TOR3A: variants seen among roughly 807,000 people sequenced by gnomAD.
TOR3A encodes torsin family 3 member A.
In TOR3A, 44 loss-of-function variants were observed where a neutral mutation model predicts 42.1. The ratio of observed to expected loss-of-function variants is 1.04; its 90% confidence interval spans 0.82 to 1.34. The LOEUF is 1.34. TOR3A is among the 40% of genes most tolerant of loss of function. The pLI is 0.00. For synonymous variants in TOR3A, 227 were observed against 213.2 expected, an observed-to-expected ratio of 1.06 and a Z score of -0.57; for missense variants, 521 against 507.6, an observed-to-expected ratio of 1.03 and a Z score of -0.25.
chr1:179,093,362 A>G (rs16853647), intron 4 of TOR3A, among the ~76,000 whole-genome samples: 32,851 of 152,118 alleles, frequency 0.22, 3,640 homozygotes, highest in East Asian at 0.26. Context: ...AAACGTGTGT[A>G]AAACCAAACT....
chr1:179,089,321 CA>C (rs11311033), intron 4 of TOR3A, among the ~76,000 whole-genome samples: 56,329 of 130,576 alleles, frequency 0.43, 11,536 homozygotes, highest in African/African-American at 0.55. Context: ...GACTCCATCT[CA>C]AAAAAAAAAA....
At chr1:179,094,585 C>A (rs975323337) in intron 5 of TOR3A, among the ~76,000 whole-genome samples, 3 of 152,118 alleles carry the variant, frequency 2.0e-5, no homozygotes, top group African/African-American at 7.2e-5. Flanking sequence ...CTCACCCAGC[C>A]CCTTCAGTCG....
chr1:179,085,529 G>T (rs765322211), intron 2 of TOR3A, 99 bp from the exon 3 acceptor site: 20 of 1,478,340 alleles, frequency 1.4e-5, no homozygotes, highest in Non-Finnish European at 1.9e-5. Flanking sequence ...GATTCCACCC[G>T]AGAGAGATTC....
chr1:179,093,028 TGC>T (rs1491122966), intron 4 of TOR3A, among the ~76,000 whole-genome samples: 1 of 152,000 alleles, frequency 6.6e-6, no homozygotes, highest in African/African-American at 2.4e-5. Flanking sequence ...CACGGGGAAG[TGC>T]AAGTGCATTG....
At chr1:179,083,590 G>T (rs1299131202) in intron 2 of TOR3A, among the ~76,000 whole-genome samples, 2 of 5,360 alleles carry the variant, frequency 3.7e-4, no homozygotes, top group South Asian at 6.5e-3. Flanking sequence ...GCGGGGGGGG[G>T]GGGGGGGGGC....
intron 2 of TOR3A, 88 bp from the exon 3 acceptor site, chr1:179,085,538 TCA>T (rs1652407718): frequency 6.6e-7 from 1 of 1,519,946 alleles, no homozygotes; most frequent in Non-Finnish European, 9.0e-7. Context: ...CGAGAGAGAT[TCA>T]GAGTTGCTTG....
chr1:179,087,785 G>A (rs749208830), intron 3 of TOR3A, 126 bp from the exon 4 acceptor site: 38 of 820,192 alleles, frequency 4.6e-5, no homozygotes, highest in Non-Finnish European at 6.4e-5. Flanking sequence ...AGGTTCTGGC[G>A]GGGGGCGGGG....
Position 179,095,424 on chromosome 1 carries a change from C to T in TOR3A, c.*206C>T, listed in dbSNP as rs942278626. 5.8e-6 allele frequency: 8 copies of T among 1,374,476 alleles called. No homozygotes were observed. Among genetic ancestry groups the T allele is most frequent in the East Asian group, 5.1e-5 (2 of 39,032 alleles). The allele number at this position is 1,374,476 out of a possible 1,614,324, so 85.1% of individuals were successfully genotyped here. A position where few individuals can be genotyped will look rare whatever the true frequency, so the allele number is the denominator to read the frequency against. On this transcript the variant is annotated 3_prime_UTR_variant, in exon 6 of 6. Coordinates refer to ENST00000367627, the MANE Select transcript of TOR3A (RefSeq NM_022371.4). ...TTTTTCTTTTTTTTGGAGGTCCCAC[C>T]GAGATAGATAGGAACTTGGATTGCT...
chr1:179,083,898 C>G (rs1187052909), intron 2 of TOR3A, among the ~76,000 whole-genome samples: 1 of 152,120 alleles, frequency 6.6e-6, no homozygotes, highest in East Asian at 1.9e-4. Context: ...CTTCAATCTC[C>G]ATAAATGAGG....
rs1394898167 is a variant in TOR3A, at chr1:179,087,923, A to C, written c.652A>C (p.Ser218Arg). 1.3e-6 allele frequency: 2 copies of C among 1,590,940 alleles called. No individual in the cohort carries two copies. The highest frequency in any genetic ancestry group is 2.2e-5 in the East Asian group (1 of 44,530). ...YVDLYKEQLM[S>R]QIRETQQLCH... ...ATATCCCGTGCAGGAGCAGCTGATG[A>C]GCCAGATCCGGGAGACGCAGCAGCT... Residue 218 changes from serine (S) to arginine (R), a missense_variant, in exon 4 of 6, where the codon AGC becomes CGC. Physicochemically the swap from Ser to Arg is moderately radical, Grantham distance 110. Transcript: ENST00000367627.
chr1:179,085,472 G>T, intron 2 of TOR3A, 156 bp from the exon 3 acceptor site: 2 of 795,608 alleles, frequency 2.5e-6, no homozygotes, highest in Non-Finnish European at 4.2e-6. Context: ...CTGCTACAAA[G>T]TCTGCCCTCT....
rs58305637 is a variant in TOR3A at position 179,085,394 on chromosome 1, A to C, written c.374-234A>C. ...AGCTGAGATTGCGCCACTGCACTCCAGCCTGGTGACAGAGCAAGACTCCAT... is the reference window on the plus strand; with the variant it reads ...AGCTGAGATTGCGCCACTGCACTCCCGCCTGGTGACAGAGCAAGACTCCAT... On this transcript the variant is annotated intron_variant, in intron 2 of 5. Transcript: ENST00000367627. 3,230 of 508,912 alleles carry C rather than the reference A, an allele frequency of 6.3e-3. 88 individuals carry two copies. Among genetic ancestry groups the C allele is most frequent in the African/African-American group, 0.056 (2,898 of 51,446 alleles). 31.5% of individuals were successfully genotyped at this position (508,912 alleles called of 1,614,324 possible).
intron 2 of TOR3A, 75 bp downstream of exon 2, chr1:179,083,128 C>T: frequency 3.4e-6 from 3 of 869,644 alleles, no homozygotes; most frequent in Non-Finnish European, 5.0e-6. Flanking sequence ...TGGTTAGATG[C>T]AAGGGACCTT....
chr1:179,088,031 C>A lies in TOR3A; in HGVS notation c.760C>A (p.Arg254Ser). Residue 254 changes from arginine to serine, a missense_variant, in exon 4 of 6, where the codon CGC becomes AGC. Arg to Ser is a moderately radical substitution (Grantham distance 110). Coordinates refer to ENST00000367627, the MANE Select transcript of TOR3A (RefSeq NM_022371.4). ...LLEVLGPHLE[R>S]RAPEGHRAES... ...GGAGGTCCTTGGGCCACACTTAGAACGCCGGGCCCCTGAGGGCCACAGGGC... is the reference window on the plus strand; with the variant it reads ...GGAGGTCCTTGGGCCACACTTAGAAAGCCGGGCCCCTGAGGGCCACAGGGC... 1 of 1,613,364 alleles carries A rather than the reference C, an allele frequency of 6.2e-7. No individual in the cohort carries two copies. The highest frequency in any genetic ancestry group is 8.5e-7 in the Non-Finnish European group (1 of 1,179,694).
In TOR3A at chr1:179,089,920, C is replaced by G. The variant is rs192242971; in HGVS notation, c.818+1831C>G. On this transcript the variant is annotated intron_variant, in intron 4 of 5. Transcript: ENST00000367627. ...CACACAGACTCTCCCACCCACTTCT[C>G]AGCTTGGAAAACCTCACCTGGGCCG... is the stretch of plus-strand genomic sequence containing the variant. Among the ~76,000 whole-genome samples the G allele has an allele frequency of 3.6e-3, 542 of 152,294 alleles. 1 individual carries two copies. Among genetic ancestry groups the G allele is most frequent in the African/African-American group, 0.012 (490 of 41,570 alleles).
intron 3 of TOR3A, among the ~76,000 whole-genome samples, chr1:179,086,319 G>T (rs1435485792): frequency 1.3e-5 from 2 of 152,188 alleles, no homozygotes; most frequent in African/African-American, 4.8e-5. Context: ...CAGGCTCTTT[G>T]TCATTGTAAC....
At chr1:179,086,680 A>G (rs940937279) in intron 3 of TOR3A, among the ~76,000 whole-genome samples, 4 of 151,990 alleles carry the variant, frequency 2.6e-5, no homozygotes, top group Middle Eastern at 3.2e-3. Flanking sequence ...AAAAAAAAAA[A>G]AAAGAAAACA....
At chr1:179,088,746 A>C (rs1479897081) in intron 4 of TOR3A, among the ~76,000 whole-genome samples, 1 of 152,170 alleles carries the variant, frequency 6.6e-6, no homozygotes, top group East Asian at 1.9e-4. Flanking sequence ...CTGTGCTTTC[A>C]CTGACATCTT....
intron 2 of TOR3A, among the ~76,000 whole-genome samples, chr1:179,083,433 C>G (rs563871510): frequency 4.9e-4 from 74 of 151,388 alleles, no homozygotes; most frequent in South Asian, 4.8e-3. Context: ...TGCTCTGTCA[C>G]CCACACTGGA....
Sources: gnomAD v4.1 joint callset for allele counts (sites outside exome capture counted in the v4.1 genomes callset) on GRCh38, gnomAD v4.1.1 for gene constraint, MANE v1.5 for transcripts, NCBI Gene and HGNC (gene_info 2026-07-23, HGNC 2026-07-21) for gene names.